KHDRBS2: variants seen among roughly 807,000 people sequenced by gnomAD.
KHDRBS2 encodes the protein KH RNA binding domain containing, signal transduction associated 2, also known as KH domain-containing, RNA-binding, signal transduction-associated protein 2.
KHDRBS2 carries 26 observed loss-of-function variants against 44.3 expected under a neutral mutation model. The observed-to-expected ratio is 0.59, with a 90% CI of 0.43 to 0.81. The LOEUF is 0.81. KHDRBS2 is among the 40% of genes least tolerant of loss of function. KHDRBS2 has a pLI of 0.00. For missense variants in KHDRBS2, 476 were observed against 433.1 expected, an observed-to-expected ratio of 1.10 and a Z score of -0.88; for synonymous variants, 194 against 151.1, an observed-to-expected ratio of 1.28 and a Z score of -2.08.
chr6:61,601,184 C>T, the KHDRBS2 span, among the ~76,000 whole-genome samples: 3 of 151,900 alleles, frequency 2.0e-5, no homozygotes, highest in South Asian at 4.2e-4. Flanking sequence ...CATTTCTCTA[C>T]CCTCTCTTCT....
chr6:61,549,501 T>C, the KHDRBS2 span, among the ~76,000 whole-genome samples: 36 of 152,284 alleles, frequency 2.4e-4, 1 homozygote, highest in African/African-American at 7.9e-4. Context: ...TTCTGAGGAA[T>C]AATTATATTT....
At chr6:61,690,065 G>A (rs1201795063) in intron 8 of KHDRBS2, among the ~76,000 whole-genome samples, 1 of 151,802 alleles carries the variant, frequency 6.6e-6, no homozygotes, top group Non-Finnish European at 1.5e-5. Flanking sequence ...ATCAAGTGTA[G>A]CACATTTATT....
the KHDRBS2 span, among the ~76,000 whole-genome samples, chr6:61,569,224 T>A: frequency 6.6e-6 from 1 of 152,054 alleles, no homozygotes. Context: ...TTCCCCACAG[T>A]GGCAACAATA....
chr6:62,071,221 T>C (rs1411787854), intron 2 of KHDRBS2, among the ~76,000 whole-genome samples: 1 of 152,152 alleles, frequency 6.6e-6, no homozygotes, highest in Non-Finnish European at 1.5e-5. Flanking sequence ...TTTGAGATCA[T>C]TGTAGATTCT....
chr6:61,721,131 G>T (rs1353666546), intron 7 of KHDRBS2, among the ~76,000 whole-genome samples: 1 of 151,960 alleles, frequency 6.6e-6, no homozygotes, highest in South Asian at 2.1e-4. Flanking sequence ...CTGTTCCATT[G>T]ATCTGTATCT....
chr6:62,063,353 T>G (rs1268258266), intron 2 of KHDRBS2, among the ~76,000 whole-genome samples: 2 of 151,392 alleles, frequency 1.3e-5, no homozygotes, highest in African/African-American at 4.9e-5. Context: ...CCAATATCCT[T>G]GATGAACATT....
chr6:61,767,955 T>G (rs58657739), intron 6 of KHDRBS2, among the ~76,000 whole-genome samples: 4,684 of 152,254 alleles, frequency 0.031, 259 homozygotes, highest in African/African-American at 0.11. Context: ...TCTGTGTACT[T>G]ACTATTACCC....
chr6:62,219,413 A>G lies in KHDRBS2; in HGVS notation c.92-42101T>C, dbSNP rs377151762. On this transcript the variant is annotated intron_variant, in intron 1 of 8. Coordinates refer to ENST00000281156, the MANE Select transcript of KHDRBS2 (RefSeq NM_152688.4). ...TTAGAGTTTCCAAAACTGATTAAAG[A>G]CATCAATCCACAAATTCAATATTAC... 6.5e-4 allele frequency among the ~76,000 whole-genome samples: 99 copies of G among 152,060 alleles called. 1 individual carries two copies. Among genetic ancestry groups the G allele is most frequent in the African/African-American group, 2.3e-3 (97 of 41,556 alleles).
chr6:62,198,299 T>C (rs1288894522), intron 1 of KHDRBS2, among the ~76,000 whole-genome samples: 2 of 151,444 alleles, frequency 1.3e-5, no homozygotes, highest in Middle Eastern at 3.4e-3. Context: ...AATCCAAGAG[T>C]GGTTTTTTGA....
chr6:61,979,353 C>CA (rs2127404028), intron 3 of KHDRBS2, among the ~76,000 whole-genome samples: 1 of 152,048 alleles, frequency 6.6e-6, no homozygotes, highest in Non-Finnish European at 1.5e-5. Context: ...CACTAAATTT[C>CA]AAAAAATAAA....
intron 2 of KHDRBS2, among the ~76,000 whole-genome samples, chr6:62,066,253 A>G (rs542733477): frequency 5.1e-4 from 77 of 151,844 alleles, no homozygotes; most frequent in African/African-American, 1.4e-3. Flanking sequence ...ATGTTTCTAG[A>G]GTTCTATACA....
intron 7 of KHDRBS2, among the ~76,000 whole-genome samples, chr6:61,719,602 G>A (rs1181328599): frequency 6.6e-6 from 1 of 151,954 alleles, no homozygotes; most frequent in Admixed American, 6.6e-5. Flanking sequence ...TACTAGCCCT[G>A]CAATTTGAAG....
chr6:62,025,222 T>C (rs563868524), intron 3 of KHDRBS2, among the ~76,000 whole-genome samples: 5 of 151,768 alleles, frequency 3.3e-5, no homozygotes, highest in African/African-American at 7.2e-5. Context: ...CATATTTTTG[T>C]AAAAATATTA....
At chr6:61,670,070 C>G in the KHDRBS2 span, among the ~76,000 whole-genome samples, 2 of 151,274 alleles carry the variant, frequency 1.3e-5, no homozygotes, top group African/African-American at 4.8e-5. Context: ...CTATTAACAG[C>G]TATCTCTGAG....
intron 4 of KHDRBS2, among the ~76,000 whole-genome samples, chr6:61,934,963 T>C (rs943000441): frequency 6.6e-6 from 1 of 152,196 alleles, no homozygotes; most frequent in African/African-American, 2.4e-5. Context: ...CAACTTTGTC[T>C]GTCTCTCACA....
Position 61,978,159 on chromosome 6 carries a change from C to A in KHDRBS2, c.390G>T (p.Glu130Asp). ...GEAKYAHLSD[E>D]LHVLIEVFAP... Reference sequence around the variant, plus strand: ...CAAACACTTCAATTAATACATGAAGCTCATCACTCAAGTGGGCATATTTGG... The same window carrying A: ...CAAACACTTCAATTAATACATGAAGATCATCACTCAAGTGGGCATATTTGG... Residue 130 changes from glutamate (E) to aspartate (D), a missense_variant, in exon 4 of 9, where the codon GAG (glutamate) becomes GAT (aspartate). Coordinates refer to ENST00000281156, the MANE Select transcript of KHDRBS2 (RefSeq NM_152688.4). 3 of 1,611,596 alleles carry A rather than the reference C, an allele frequency of 1.9e-6. No homozygotes were observed. In the South Asian group the frequency reaches 3.3e-5, roughly 18 times the overall value.
intron 1 of KHDRBS2, among the ~76,000 whole-genome samples, chr6:62,252,811 CTCT>C (rs1836766259): frequency 6.6e-6 from 1 of 151,982 alleles, no homozygotes; most frequent in Admixed American, 6.6e-5. Flanking sequence ...TTTCCAGTTT[CTCT>C]TCTTCTTCAG....
At chr6:61,951,799 A>G (rs1764804919) in intron 4 of KHDRBS2, among the ~76,000 whole-genome samples, 1 of 152,088 alleles carries the variant, frequency 6.6e-6, no homozygotes. Context: ...AAGTGACATC[A>G]GTGTCTCCAT....
At chr6:62,248,515 C>A (rs1221430187) in intron 1 of KHDRBS2, among the ~76,000 whole-genome samples, 5 of 151,874 alleles carry the variant, frequency 3.3e-5, no homozygotes, top group Admixed American at 6.6e-5. Context: ...CGCACCACCA[C>A]GTCCAGCTAA....
Sources: allele counts gnomAD v4.1 joint callset (sites outside exome capture counted in the v4.1 genomes callset), GRCh38; gene constraint gnomAD v4.1.1; transcripts MANE v1.5; gene names NCBI Gene and HGNC (gene_info 2026-07-23, HGNC 2026-07-21).